PPFIA2: variants seen among roughly 807,000 people sequenced by gnomAD.
The protein encoded by PPFIA2 is PPFI scaffold protein A2.
In PPFIA2, 46 loss-of-function variants were observed where a neutral mutation model predicts 175.5. That is an observed-to-expected ratio of 0.26 (90% CI 0.21 to 0.34). The LOEUF is 0.34. Ranked by LOEUF, PPFIA2 falls within the 10% of genes least tolerant of loss-of-function variation. The pLI is 1.00. For synonymous variants in PPFIA2, 568 were observed against 511.4 expected (o/e 1.11, Z -1.49); for missense variants, 1,179 against 1,506.1 (o/e 0.78, Z 3.60).
chr12:81,383,997 G>C, intron 9 of PPFIA2, 26 bp downstream of exon 9: 1 of 1,540,260 alleles, frequency 6.5e-7, no homozygotes, highest in East Asian at 2.3e-5. Context: ...AGAAATCAAA[G>C]ACTGAAAGTG....
chr12:81,529,314 C>G (rs1056384101), intron 4 of PPFIA2, among the ~76,000 whole-genome samples: 3 of 151,826 alleles, frequency 2.0e-5, no homozygotes, highest in African/African-American at 4.8e-5. Context: ...CAAAAAGACA[C>G]CTGAGTCTAT....
chr12:81,705,313 G>A (rs751212675), intron 3 of PPFIA2, among the ~76,000 whole-genome samples: 4 of 150,782 alleles, frequency 2.7e-5, no homozygotes, highest in Non-Finnish European at 4.4e-5. Context: ...AAAATTAGCT[G>A]GGCTTGGTGG....
chr12:81,599,793 T>C (rs2059611103), intron 4 of PPFIA2, among the ~76,000 whole-genome samples: 1 of 151,972 alleles, frequency 6.6e-6, no homozygotes, highest in African/African-American at 2.4e-5. Context: ...AGCTTTTCTT[T>C]GTTTCTCATG....
intron 15 of PPFIA2, among the ~76,000 whole-genome samples, chr12:81,361,167 T>C (rs528290463): frequency 4.0e-5 from 6 of 151,802 alleles, no homozygotes; most frequent in African/African-American, 1.4e-4. Flanking sequence ...AGTGCAGTGA[T>C]AGACTTTTAG....
intron 3 of PPFIA2, among the ~76,000 whole-genome samples, chr12:81,744,524 G>C (rs1425505791): frequency 6.6e-6 from 1 of 150,892 alleles, no homozygotes; most frequent in Non-Finnish European, 1.5e-5. Context: ...CCGGGTTCAA[G>C]CGATTCTCCT....
chr12:81,406,612 G>A (rs1050188017), intron 7 of PPFIA2, among the ~76,000 whole-genome samples: 1 of 151,888 alleles, frequency 6.6e-6, no homozygotes, highest in Non-Finnish European at 1.5e-5. Context: ...CCTAGTAATA[G>A]AGTGAAAAAT....
At chr12:81,599,420 C>G (rs569567755) in intron 4 of PPFIA2, among the ~76,000 whole-genome samples, 1 of 151,970 alleles carries the variant, frequency 6.6e-6, no homozygotes, top group South Asian at 2.1e-4. Context: ...GGGACTCCTA[C>G]ATTCTGATAA....
At chr12:81,721,912 C>T (rs2079401047) in intron 3 of PPFIA2, among the ~76,000 whole-genome samples, 1 of 151,012 alleles carries the variant, frequency 6.6e-6, no homozygotes, top group African/African-American at 2.4e-5. Context: ...TGAGATATAA[C>T]AGTGTCTGAT....
intron 21 of PPFIA2, among the ~76,000 whole-genome samples, chr12:81,331,412 G>T (rs999617766): frequency 6.6e-6 from 1 of 152,154 alleles, no homozygotes; most frequent in Non-Finnish European, 1.5e-5. Flanking sequence ...TTTTTAGAAT[G>T]TATCCTTATC....
chr12:81,370,985 C>A (rs2034937979), intron 11 of PPFIA2, among the ~76,000 whole-genome samples: 1 of 151,816 alleles, frequency 6.6e-6, no homozygotes, highest in Non-Finnish European at 1.5e-5. Flanking sequence ...GTAACCTATT[C>A]ATTTGATTCA....
At chr12:81,521,074 A>C (rs1415087395) in intron 4 of PPFIA2, among the ~76,000 whole-genome samples, 6 of 152,218 alleles carry the variant, frequency 3.9e-5, no homozygotes, top group Admixed American at 3.9e-4. Flanking sequence ...AATTCCAAAA[A>C]TTATGCCATG....
At position 81,273,883 on chromosome 12, in the gene PPFIA2, GC is replaced by G. The variant is rs371384894; in HGVS notation, c.3310+3433del. On this transcript the variant is annotated intron_variant, in intron 28 of 32. Coordinates refer to ENST00000549396, the MANE Select transcript of PPFIA2 (RefSeq NM_003625.5). ...CTCAGAGTTTTGCCTCTTTCTCCCCGCCCCCCCCCAAACCGGTCTGCAGCAA... is the reference window on the plus strand; with the variant it reads ...CTCAGAGTTTTGCCTCTTTCTCCCCGCCCCCCCCAAACCGGTCTGCAGCAA... 1.4e-3 allele frequency among the ~76,000 whole-genome samples: 182 copies of G among 128,344 alleles called. 1 individual carries two copies. The highest frequency in any genetic ancestry group is 4.7e-3 in the African/African-American group (156 of 33,124). The allele number at this position is 128,344 out of a possible 152,430, so 84.2% of individuals were successfully genotyped here.
At chr12:81,384,527 C>T (rs77531498) in intron 8 of PPFIA2, among the ~76,000 whole-genome samples, 45 of 151,738 alleles carry the variant, frequency 3.0e-4, no homozygotes, top group African/African-American at 1.1e-3. Flanking sequence ...ATTGATGTAT[C>T]CTAAACATTT....
At chr12:81,617,329 T>C (rs1426527329) in intron 4 of PPFIA2, among the ~76,000 whole-genome samples, 1 of 152,212 alleles carries the variant, frequency 6.6e-6, no homozygotes, top group African/African-American at 2.4e-5. Flanking sequence ...CTCTGTCATG[T>C]CATCCCTTCA....
At chr12:81,259,793 T>A in intron 32 of PPFIA2, 133 bp from the exon 33 acceptor site, 1 of 679,032 alleles carries the variant, frequency 1.5e-6, no homozygotes, top group Non-Finnish European at 2.4e-6. Context: ...GGAAATCATC[T>A]AGGATGTAGC....
At chr12:81,550,822 G>T (rs372060682) in intron 4 of PPFIA2, among the ~76,000 whole-genome samples, 1 of 151,726 alleles carries the variant, frequency 6.6e-6, no homozygotes, top group Non-Finnish European at 1.5e-5. Flanking sequence ...CTGAACTCTG[G>T]GGGGAAAATC....
In PPFIA2 at chr12:81,754,159, T is replaced by C. The variant is rs750516566; in HGVS notation, c.63A>G (p.Gln21=). 4.7e-5 allele frequency: 76 copies of C among 1,612,784 alleles called. No homozygotes were observed. The highest frequency in any genetic ancestry group is 5.5e-5 in the Non-Finnish European group (65 of 1,179,384). Reference sequence around the variant, plus strand: ...GGGAGTCTGAGTCCGAGCCACTGCTTTGGGACCCCCTTTGGCTCATTGGGG... The same window carrying C: ...GGGAGTCTGAGTCCGAGCCACTGCTCTGGGACCCCCTTTGGCTCATTGGGG... ...EDTPMSQRGS[Q]SSGSDSDSHF... The change falls in exon 3 of 33, where the codon CAA becomes CAG. Residue 21 remains glutamine (Q), a synonymous_variant. Coordinates refer to ENST00000549396, the MANE Select transcript of PPFIA2 (RefSeq NM_003625.5).
chr12:81,422,216 T>G (rs527950373), intron 7 of PPFIA2, among the ~76,000 whole-genome samples: 1 of 151,106 alleles, frequency 6.6e-6, no homozygotes, highest in African/African-American at 2.4e-5. Context: ...AAACAAGGTA[T>G]TGGAAACTAA....
chr12:81,496,088 A>C (rs1303970590), intron 4 of PPFIA2, among the ~76,000 whole-genome samples: 1 of 152,170 alleles, frequency 6.6e-6, no homozygotes, highest in African/African-American at 2.4e-5. Context: ...AGGAGTTTTT[A>C]TAACTTAGAG....
Sources: allele counts gnomAD v4.1 joint callset (sites outside exome capture counted in the v4.1 genomes callset), GRCh38; gene constraint gnomAD v4.1.1; transcripts MANE v1.5; gene names NCBI Gene and HGNC (gene_info 2026-07-23, HGNC 2026-07-21).